MYOM2: variants seen among roughly 807,000 people sequenced by gnomAD.
The protein encoded by MYOM2 is myomesin 2, also known as myomesin-2.
MYOM2 carries 254 observed loss-of-function variants against 187.6 expected under a neutral mutation model. The ratio of observed to expected loss-of-function variants is 1.35; its 90% CI spans 1.22 to 1.50. The LOEUF is 1.50. Ranked by LOEUF, MYOM2 falls within the 40% of genes most tolerant of loss-of-function variation. The pLI is 0.00. For missense variants in MYOM2, 2,796 were observed against 1,924.0 expected, an observed-to-expected ratio of 1.45 and a Z score of -8.48; for synonymous variants, 981 against 753.8, an observed-to-expected ratio of 1.30 and a Z score of -4.94.
At chr8:2,117,817 A>AT in intron 27 of MYOM2, 68 bp from the exon 28 acceptor site, 1 of 983,720 alleles carries the variant, frequency 1.0e-6, no homozygotes, top group Non-Finnish European at 1.6e-6. Flanking sequence ...ATATATATAT[A>AT]ATAGCTATAT....
intron 10 of MYOM2, among the ~76,000 whole-genome samples, chr8:2,075,413 T>C (rs1188662110): frequency 1.4e-4 from 22 of 152,062 alleles, no homozygotes; most frequent in Admixed American, 1.4e-3. Flanking sequence ...TCTGAGGCTT[T>C]TGAATGTGAG....
intron 14 of MYOM2, among the ~76,000 whole-genome samples, chr8:2,087,308 A>G (rs1230984631): frequency 6.6e-6 from 1 of 152,168 alleles, no homozygotes; most frequent in Non-Finnish European, 1.5e-5. Flanking sequence ...ATCTAGCACC[A>G]CTCAATGCAG....
Position 2,069,319 on chromosome 8 carries a change from C to T in MYOM2, c.695C>T (p.Thr232Ile), listed in dbSNP as rs763294044. 1.9e-6 allele frequency: 3 copies of T among 1,613,794 alleles called. No individual in the cohort carries two copies. Among genetic ancestry groups the T allele is most frequent in the South Asian group, 1.1e-5 (1 of 91,068 alleles). The change falls in exon 7 of 37, where the codon ACC becomes ATC. Residue 232 changes from threonine (T) to isoleucine (I), a missense_variant. Physicochemically the swap from Thr to Ile is moderately conservative, Grantham distance 89 (BLOSUM62 -1). Coordinates refer to ENST00000262113, the MANE Select transcript of MYOM2 (RefSeq NM_003970.4). The part of the protein sequence containing the change: ...DDTATYSAVA[T>I]NAHGQVSTNA... ...ACTGCGACATACTCAGCAGTGGCCACCAATGCCCACGGACAAGTGTCCACC... is the reference window on the plus strand; with the variant it reads ...ACTGCGACATACTCAGCAGTGGCCATCAATGCCCACGGACAAGTGTCCACC...
At chr8:2,077,700 G>T (rs902556584) in intron 11 of MYOM2, among the ~76,000 whole-genome samples, 4 of 152,072 alleles carry the variant, frequency 2.6e-5, no homozygotes, top group African/African-American at 7.2e-5. Flanking sequence ...ACCATTTCCT[G>T]CACTGTCTCA....
chr8:2,047,037 T>C (rs2129325680), intron 1 of MYOM2, among the ~76,000 whole-genome samples: 1 of 152,350 alleles, frequency 6.6e-6, no homozygotes, highest in Admixed American at 6.5e-5. Flanking sequence ...ATTTCTGGAT[T>C]TGAGTTGCTC....
chr8:2,068,876 T>C (rs1819116572), intron 6 of MYOM2, among the ~76,000 whole-genome samples: 1 of 152,126 alleles, frequency 6.6e-6, no homozygotes, highest in Non-Finnish European at 1.5e-5. Context: ...CTCTGTATCA[T>C]CCCATCACGA....
rs143884950 is a variant in MYOM2, at chr8:2,109,492, C to A, written c.3141C>A (p.Tyr1047Ter). The A allele has an allele frequency of 5.8e-5, 94 of 1,613,222 alleles. No homozygotes were observed. Among genetic ancestry groups the A allele is most frequent in the Non-Finnish European group, 7.5e-5 (89 of 1,179,658 alleles). Residue 1047 changes from tyrosine (Y) to a stop codon, truncating the protein, a stop_gained, in exon 25 of 37, where the codon TAC becomes TAA. Transcript: ENST00000262113. LOFTEE classifies it high-confidence loss of function. ...AGCACTTATCACCAGATGCCAGCTACCGATTTATTATTAACGACAGAGAAG... is the reference window on the plus strand; with the variant it reads ...AGCACTTATCACCAGATGCCAGCTAACGATTTATTATTAACGACAGAGAAG... Reference protein sequence around the residue: ...QAEHLSPDASYRFIINDREVS... With the variant: ...QAEHLSPDAS
rs1026442997 is a variant in MYOM2 at position 2,092,610 on chromosome 8, G to A, written c.2003+90G>A. The stretch of plus-strand genomic sequence containing the variant: ...GTGGCCCTGGCACAGGGAGTACCAT[G>A]GCCGCAAGGCTTCTGCGTAAATGAG... On this transcript the variant is annotated intron_variant, in intron 16 of 36. Transcript: ENST00000262113. The A allele has an allele frequency of 6.6e-6, 9 of 1,361,488 alleles. No homozygotes were observed. The African/African-American group carries it at 7.3e-5, about 11-fold the overall frequency. The allele number at this position is 1,361,488 out of a possible 1,614,324, so 84.3% of individuals were successfully genotyped here. A position where few individuals can be genotyped will look rare whatever the true frequency, so the allele number is the denominator to read the frequency against.
intron 13 of MYOM2, among the ~76,000 whole-genome samples, chr8:2,084,345 A>G (rs1466679391): frequency 6.6e-6 from 1 of 152,178 alleles, no homozygotes; most frequent in Non-Finnish European, 1.5e-5. Context: ...AACGAAACCC[A>G]GTCTTGCTTT....
intron 6 of MYOM2, among the ~76,000 whole-genome samples, chr8:2,060,475 T>A (rs1414955405): frequency 2.6e-5 from 4 of 152,020 alleles, no homozygotes; most frequent in Non-Finnish European, 5.9e-5. Context: ...GTCAGTTATA[T>A]CAAATCCCTT....
At position 2,112,200 on chromosome 8, in the gene MYOM2, C is replaced by T. The variant is rs62478425; in HGVS notation, c.3180+2669C>T. Among the ~76,000 whole-genome samples the T allele has an allele frequency of 3.9e-3, 590 of 152,184 alleles. 8 individuals carry two copies. The highest frequency in any genetic ancestry group is 0.012 in the African/African-American group (518 of 41,518). ...GTGAAGTTGCCCTTACAGAGACTGT[C>T]ACGGAGTCAAAGAAATACACCTTCA... On this transcript the variant is annotated intron_variant, in intron 25 of 36. Transcript: ENST00000262113.
intron 15 of MYOM2, among the ~76,000 whole-genome samples, chr8:2,091,676 G>C (rs1347926556): frequency 2.0e-5 from 3 of 152,236 alleles, no homozygotes; most frequent in African/African-American, 7.2e-5. Context: ...TTTAACTGAA[G>C]CTCTTAGAAC....
chr8:2,128,709 C>G (rs1797742470), intron 31 of MYOM2, among the ~76,000 whole-genome samples: 1 of 152,208 alleles, frequency 6.6e-6, no homozygotes, highest in South Asian at 2.1e-4. Context: ...CTCCCATCTG[C>G]TTGACTCCCA....
In MYOM2 at chr8:2,057,752, C is replaced by A. The variant is rs1203639214; in HGVS notation, c.532C>A (p.Gln178Lys). 1.9e-6 allele frequency: 3 copies of A among 1,613,994 alleles called. No individual in the cohort carries two copies. Among genetic ancestry groups the A allele is most frequent in the Non-Finnish European group, 2.5e-6 (3 of 1,180,010 alleles). The change falls in exon 5 of 37, where the codon CAA becomes AAA. Residue 178 changes from glutamine (Q) to lysine (K), a missense_variant. Gln to Lys is a moderately conservative substitution (Grantham distance 53). Transcript: ENST00000262113. ...RMSVKLCFTV[Q>K]GFPTPVVQWY... ...GTCTGTGAAACTCTGCTTCACCGTG[C>A]AAGGATTTCCCACGCCCGTGGTGCA...
intron 33 of MYOM2, 36 bp from the exon 34 acceptor site, chr8:2,141,105 G>A (rs1272169354): frequency 6.3e-7 from 1 of 1,590,112 alleles, no homozygotes; most frequent in Non-Finnish European, 8.6e-7. Context: ...TCTGAACACT[G>A]AAATGGTTAG....
intron 21 of MYOM2, among the ~76,000 whole-genome samples, chr8:2,103,791 T>C (rs1036206967): frequency 3.3e-5 from 5 of 151,640 alleles, no homozygotes; most frequent in African/African-American, 9.7e-5. Context: ...TTTATGTGTA[T>C]GTATGTATAG....
chr8:2,053,635 G>C (rs1248345285), intron 3 of MYOM2, among the ~76,000 whole-genome samples: 1 of 152,190 alleles, frequency 6.6e-6, no homozygotes, highest in African/African-American at 2.4e-5. Context: ...AAAACACATT[G>C]GTCTATGCTC....
chr8:2,140,046 G>C (rs949953740), intron 32 of MYOM2, among the ~76,000 whole-genome samples: 20 of 151,986 alleles, frequency 1.3e-4, no homozygotes, highest in Admixed American at 7.2e-4. Flanking sequence ...CCGAAACTCT[G>C]TTCCCATTAA....
intron 25 of MYOM2, among the ~76,000 whole-genome samples, chr8:2,112,555 T>C (rs932284599): frequency 6.6e-6 from 1 of 151,846 alleles, no homozygotes; most frequent in African/African-American, 2.4e-5. Context: ...GGAAATAGTG[T>C]TGGGGAATAG....
Sources: allele counts gnomAD v4.1 joint callset (sites outside exome capture counted in the v4.1 genomes callset), GRCh38; gene constraint gnomAD v4.1.1; transcripts MANE v1.5; gene names NCBI Gene and HGNC (gene_info 2026-07-23, HGNC 2026-07-21).